The following PLXNA4 variants were observed in gnomAD, a reference collection of about 807,000 sequenced individuals.
PLXNA4 encodes the protein plexin A4.
Under a neutral mutation model 191.8 loss-of-function variants are expected in PLXNA4, and 44 were observed. That is an observed-to-expected ratio of 0.23 (90% CI 0.18 to 0.29). PLXNA4 has a LOEUF of 0.29. PLXNA4 is among the 10% of genes least tolerant of loss of function. PLXNA4 has a pLI of 1.00. For synonymous variants in PLXNA4, 1,082 were observed against 1,009.5 expected, an observed-to-expected ratio of 1.07 and a Z score of -1.36; for missense variants, 1,800 against 2,488.8, an observed-to-expected ratio of 0.72 and a Z score of 5.89.
Position 132,387,558 on chromosome 7 carries a change from T to C in PLXNA4, c.1372-89336A>G, listed in dbSNP as rs577678052. ...AATAGCCCATCTGTCGCCAGGTAAC[T>C]CTATGGTTCAGAAGCCACCAGAGAA... On this transcript the variant is annotated intron_variant, in intron 3 of 31. Transcript: ENST00000321063. Among the ~76,000 whole-genome samples the C allele has an allele frequency of 2.6e-5, 4 of 152,254 alleles. No individual in the cohort carries two copies. In the East Asian group the frequency reaches 7.7e-4, roughly 29 times the overall value.
intron 3 of PLXNA4, among the ~76,000 whole-genome samples, chr7:132,357,191 C>T (rs915703179): frequency 6.6e-6 from 1 of 152,180 alleles, no homozygotes; most frequent in African/African-American, 2.4e-5. Flanking sequence ...CAACCTTTTT[C>T]ATGGCAGCCA....
chr7:132,337,638 C>T (rs1439641535), intron 3 of PLXNA4, among the ~76,000 whole-genome samples: 1 of 152,196 alleles, frequency 6.6e-6, no homozygotes, highest in African/African-American at 2.4e-5. Flanking sequence ...CATTCTCTTC[C>T]TATTGCTGAG....
intron 3 of PLXNA4, among the ~76,000 whole-genome samples, chr7:132,316,664 C>T (rs75588093): frequency 0.03 from 4,610 of 152,258 alleles, 85 homozygotes; most frequent in African/African-American, 0.05. Context: ...AGATGAAGAA[C>T]TAAAGCCTGG....
At chr7:132,539,801 C>G (rs1799991603) in intron 1 of PLXNA4, among the ~76,000 whole-genome samples, 1 of 152,192 alleles carries the variant, frequency 6.6e-6, no homozygotes. Context: ...ATGAGTTCTT[C>G]CACGATCACT....
chr7:132,276,176 G>A (rs540234006), intron 4 of PLXNA4, among the ~76,000 whole-genome samples: 46 of 152,250 alleles, frequency 3.0e-4, no homozygotes, highest in African/African-American at 1.0e-3. Flanking sequence ...AAATGCATGA[G>A]CATAGCCTGT....
chr7:132,375,813 G>C (rs1393555220), intron 3 of PLXNA4, among the ~76,000 whole-genome samples: 1 of 152,236 alleles, frequency 6.6e-6, no homozygotes, highest in Non-Finnish European at 1.5e-5. Context: ...AGCATGGCAT[G>C]TGGGGGAACA....
chr7:132,135,204 G>A (rs1251911128), intron 30 of PLXNA4, among the ~76,000 whole-genome samples: 4 of 152,160 alleles, frequency 2.6e-5, no homozygotes, highest in Non-Finnish European at 4.4e-5. Flanking sequence ...TGTAAAAAGT[G>A]TGAACAAATA....
intron 20 of PLXNA4, 33 bp downstream of exon 20, chr7:132,179,654 A>T: frequency 6.2e-7 from 1 of 1,601,476 alleles, no homozygotes; most frequent in Non-Finnish European, 8.5e-7. Context: ...ACACGCACAC[A>T]CACATGGCCT....
intron 4 of PLXNA4, among the ~76,000 whole-genome samples, chr7:132,262,997 A>C (rs1214194036): frequency 6.6e-6 from 1 of 152,170 alleles, no homozygotes; most frequent in African/African-American, 2.4e-5. Flanking sequence ...GGGGGGTTGA[A>C]GTCTCACTTC....
chr7:132,140,053 G>A (rs961218550), intron 30 of PLXNA4, among the ~76,000 whole-genome samples: 2 of 152,150 alleles, frequency 1.3e-5, no homozygotes, highest in African/African-American at 4.8e-5. Flanking sequence ...CAGGACACTG[G>A]GATTTGATCA....
chr7:132,554,336 C>T (rs1412026921), intron 1 of PLXNA4, among the ~76,000 whole-genome samples: 1 of 152,134 alleles, frequency 6.6e-6, no homozygotes, highest in Non-Finnish European at 1.5e-5. Flanking sequence ...CCATGGTGTG[C>T]TATGTGGTGG....
At chr7:132,218,201 C>T (rs1454747324) in intron 9 of PLXNA4, among the ~76,000 whole-genome samples, 4 of 152,140 alleles carry the variant, frequency 2.6e-5, no homozygotes, top group South Asian at 4.1e-4. Flanking sequence ...CTTTTGATAA[C>T]GGATTTCATC....
intron 9 of PLXNA4, among the ~76,000 whole-genome samples, chr7:132,221,500 G>C (rs1364714044): frequency 6.6e-6 from 1 of 152,194 alleles, no homozygotes; most frequent in African/African-American, 2.4e-5. Flanking sequence ...CCCCAGCCTT[G>C]GTAGGTCAAC....
At chr7:132,242,241 C>G (rs1012277879) in intron 4 of PLXNA4, among the ~76,000 whole-genome samples, 2 of 151,532 alleles carry the variant, frequency 1.3e-5, no homozygotes, top group African/African-American at 4.9e-5. Context: ...TCAGCTTGAG[C>G]TAAGAGAATT....
rs370048457 is a variant in PLXNA4, at chr7:132,233,830, AG to A, written c.1605-5362del. Among the ~76,000 whole-genome samples the A allele has an allele frequency of 2.7e-3, 405 of 152,382 alleles. 3 individuals carry two copies. The highest frequency in any genetic ancestry group is 9.1e-3 in the African/African-American group (379 of 41,592). ...TCCCTGACTGGATTCTGACCTTGGT[AG>A]CCATGCTTTGAATGAACAATCTATT... is the stretch of plus-strand genomic sequence containing the variant. On this transcript the variant is annotated intron_variant, in intron 5 of 31. Coordinates refer to ENST00000321063, the MANE Select transcript of PLXNA4 (RefSeq NM_020911.2).
At chr7:132,381,913 C>T (rs930232547) in intron 3 of PLXNA4, among the ~76,000 whole-genome samples, 1 of 152,198 alleles carries the variant, frequency 6.6e-6, no homozygotes, top group Non-Finnish European at 1.5e-5. Flanking sequence ...CTGTGCACCC[C>T]CGCAGGCTTC....
chr7:132,454,336 C>T lies in PLXNA4; in HGVS notation c.1371+34956G>A, dbSNP rs374837447. ...TGCTTCTGCATTGCCTTCTTAAGAA[C>T]AACAACAAGAAGCCTCTCCATTTTC... On this transcript the variant is annotated intron_variant, in intron 3 of 31. Transcript: ENST00000321063. 9.9e-5 allele frequency among the ~76,000 whole-genome samples: 15 copies of T among 152,258 alleles called. No homozygotes were observed. In the South Asian group the frequency reaches 2.1e-3, roughly 21 times the overall value.
At chr7:132,251,031 A>G (rs939358391) in intron 4 of PLXNA4, among the ~76,000 whole-genome samples, 2 of 147,500 alleles carry the variant, frequency 1.4e-5, no homozygotes, top group Admixed American at 6.8e-5. Flanking sequence ...TGGGGATCAA[A>G]GTGCTGCTCC....
chr7:132,253,232 CTT>C lies in PLXNA4; in HGVS notation c.1504-12068_1504-12067del, dbSNP rs56010775. Among the ~76,000 whole-genome samples, 280 of 134,410 alleles carry C rather than the reference CTT, an allele frequency of 2.1e-3. 3 individuals carry two copies. The South Asian group carries it at 0.034, about 16-fold the overall frequency. 88.2% of individuals were successfully genotyped at this position (134,410 alleles called of 152,430 possible). A position where few individuals can be genotyped will look rare whatever the true frequency, so the allele number is the denominator to read the frequency against. ...GTGACAGCTTGAATTTTTCTTTTTT[CTT>C]TTTTTTTTTTTTTTTTTTTGAGATA... is the stretch of plus-strand genomic sequence containing the variant. On this transcript the variant is annotated intron_variant, in intron 4 of 31. Transcript: ENST00000321063.
Sources: gnomAD v4.1 joint callset for allele counts (sites outside exome capture counted in the v4.1 genomes callset) on GRCh38, gnomAD v4.1.1 for gene constraint, MANE v1.5 for transcripts, NCBI Gene and HGNC (gene_info 2026-07-23, HGNC 2026-07-21) for gene names.